The following RBFOX2 variants were observed in gnomAD, a reference collection of about 807,000 sequenced individuals.
RBFOX2 encodes the protein RNA binding protein fox-1 homolog 2.
RBFOX2 carries 10 observed loss-of-function variants against 49.1 expected under a neutral mutation model. That is an observed-to-expected ratio of 0.20 (90% CI 0.13 to 0.35). The LOEUF is 0.35. Ranked by LOEUF, RBFOX2 falls within the 10% of genes least tolerant of loss-of-function variation. RBFOX2 has a pLI of 1.00. For synonymous variants in RBFOX2, 183 were observed against 187.4 expected, an observed-to-expected ratio of 0.98 and a Z score of 0.19; for missense variants, 323 against 486.9, an observed-to-expected ratio of 0.66 and a Z score of 3.17.
At chr22:35,875,919 T>C (rs1335761784) in intron 1 of RBFOX2, among the ~76,000 whole-genome samples, 1 of 152,190 alleles carries the variant, frequency 6.6e-6, no homozygotes, top group African/African-American at 2.4e-5. Flanking sequence ...AAAGCTTTAT[T>C]GTCCAATTCT....
chr22:35,782,408 A>C (rs528216044), intron 2 of RBFOX2, among the ~76,000 whole-genome samples: 1 of 151,958 alleles, frequency 6.6e-6, no homozygotes, highest in Non-Finnish European at 1.5e-5. Context: ...TGCAAGCTCC[A>C]CTTCCCGGGT....
intron 1 of RBFOX2, among the ~76,000 whole-genome samples, chr22:35,928,948 C>T (rs1295535981): frequency 6.6e-6 from 1 of 151,946 alleles, no homozygotes; most frequent in Non-Finnish European, 1.5e-5. Context: ...GGAAAACAGT[C>T]TGTGGTTTCT....
At chr22:35,863,068 G>A (rs2043277826) in intron 1 of RBFOX2, among the ~76,000 whole-genome samples, 1 of 152,110 alleles carries the variant, frequency 6.6e-6, no homozygotes, top group African/African-American at 2.4e-5. Context: ...AGGTAACTGT[G>A]TTAGGAGGAG....
At chr22:35,808,533 G>A (rs1951188979) in intron 2 of RBFOX2, among the ~76,000 whole-genome samples, 2 of 152,124 alleles carry the variant, frequency 1.3e-5, no homozygotes, top group Non-Finnish European at 2.9e-5. Context: ...GCAGACTGTA[G>A]AACATTTCTA....
At chr22:35,861,299 T>C (rs1214283150) in intron 1 of RBFOX2, among the ~76,000 whole-genome samples, 1 of 152,032 alleles carries the variant, frequency 6.6e-6, no homozygotes, top group South Asian at 2.1e-4. Flanking sequence ...AAAAGAACAA[T>C]AAATTGGACT....
rs771071078 is a variant in RBFOX2 at position 35,951,234 on chromosome 22, C to T, written c.42+10329G>A. On this transcript the variant is annotated intron_variant, in intron 1 of 5. Transcript: ENST00000408983. ...CTCCCAAAGTGCTGGGATTACCGCA[C>T]CCGGCCCTTTTTTTTTTTTTTTTTT... Among the ~76,000 whole-genome samples the T allele has an allele frequency of 6.2e-4, 85 of 136,630 alleles. 1 individual carries two copies. Among genetic ancestry groups the T allele is most frequent in the Non-Finnish European group, 8.9e-4 (57 of 64,108 alleles). The allele number at this position is 136,630 out of a possible 152,430, so 89.6% of individuals were successfully genotyped here.
At chr22:35,866,200 C>T (rs1299024318) in intron 1 of RBFOX2, among the ~76,000 whole-genome samples, 2 of 152,076 alleles carry the variant, frequency 1.3e-5, no homozygotes, top group Admixed American at 6.5e-5. Flanking sequence ...GAAAAGACAA[C>T]GTGAAGGTTT....
chr22:35,761,672 G>C (rs1358269095), intron 6 of RBFOX2, among the ~76,000 whole-genome samples: 1 of 152,108 alleles, frequency 6.6e-6, no homozygotes, highest in Non-Finnish European at 1.5e-5. Context: ...GGCTGGGGCT[G>C]GGGGGCTTGG....
At chr22:35,831,554 C>A (rs957377490) in intron 1 of RBFOX2, among the ~76,000 whole-genome samples, 2 of 152,192 alleles carry the variant, frequency 1.3e-5, no homozygotes, top group Non-Finnish European at 2.9e-5. Flanking sequence ...ACAGCTACAA[C>A]CAACGATTCA....
intron 1 of RBFOX2, among the ~76,000 whole-genome samples, chr22:35,947,981 C>G (rs1403933074): frequency 6.6e-6 from 1 of 152,230 alleles, no homozygotes; most frequent in Non-Finnish European, 1.5e-5. Context: ...TCCACTCACA[C>G]TCACTCACTG....
At chr22:35,943,992 T>C (rs1283817255) in intron 1 of RBFOX2, among the ~76,000 whole-genome samples, 1 of 152,262 alleles carries the variant, frequency 6.6e-6, no homozygotes, top group East Asian at 1.9e-4. Context: ...ATCTGACTTT[T>C]ATATTCTTCT....
At chr22:35,979,807 G>C (rs922591107) in intron 1 of RBFOX2, among the ~76,000 whole-genome samples, 1 of 152,198 alleles carries the variant, frequency 6.6e-6, no homozygotes, top group African/African-American at 2.4e-5. Flanking sequence ...AGCTCAGAAA[G>C]GTTAAAACGT....
chr22:35,942,192 T>C (rs1294108018), upstream of RBFOX2, among the ~76,000 whole-genome samples: 1 of 152,218 alleles, frequency 6.6e-6, no homozygotes, highest in East Asian at 1.9e-4. Context: ...GCTCACACCA[T>C]GCTGCCTACG....
In RBFOX2 at chr22:35,749,593, GAAAA is replaced by G. The variant is rs1437810137; in HGVS notation, c.888-3036_888-3033del. ...CAACAAAACATATCACAAAATGTGA[GAAAA>G]AGAAAATTCAGATATATTTATTTCT... is the stretch of plus-strand genomic sequence containing the variant. On this transcript the variant is annotated intron_variant, in intron 9 of 11. Coordinates refer to ENST00000405409, the Ensembl canonical transcript of RBFOX2. The surrounding 1 kb of genome is among the most constrained non-coding windows in gnomAD (Gnocchi z 4.1). Among the ~76,000 whole-genome samples, 1 of 152,044 alleles carries G rather than the reference GAAAA, an allele frequency of 6.6e-6. No homozygotes were observed. The highest frequency in any genetic ancestry group is 2.4e-5 in the African/African-American group (1 of 41,392).
upstream of RBFOX2, among the ~76,000 whole-genome samples, chr22:35,941,079 C>A (rs1797344605): frequency 1.3e-5 from 2 of 152,054 alleles, no homozygotes; most frequent in African/African-American, 4.8e-5. Flanking sequence ...GATTTATGGT[C>A]TGTGAATTAT....
intron 1 of RBFOX2, among the ~76,000 whole-genome samples, chr22:35,881,538 C>T (rs953835605): frequency 6.6e-5 from 10 of 151,356 alleles, no homozygotes; most frequent in Non-Finnish European, 1.0e-4. Context: ...GCTGTGATCG[C>T]ACCACTGCAC....
intron 3 of RBFOX2, among the ~76,000 whole-genome samples, chr22:35,780,490 C>T (rs968853644): frequency 1.3e-5 from 2 of 152,088 alleles, no homozygotes; most frequent in South Asian, 2.1e-4. Flanking sequence ...ACTAACTTCC[C>T]AACAACTCAA....
chr22:35,890,260 T>G (rs1161015463), intron 1 of RBFOX2, among the ~76,000 whole-genome samples: 1 of 152,170 alleles, frequency 6.6e-6, no homozygotes, highest in African/African-American at 2.4e-5. Context: ...TCTAGCCTTG[T>G]ACCATGCTGA....
chr22:36,007,203 C>A (rs2058651682), intron 1 of RBFOX2, among the ~76,000 whole-genome samples: 1 of 152,040 alleles, frequency 6.6e-6, no homozygotes, highest in Non-Finnish European at 1.5e-5. Context: ...ATCTACCCCT[C>A]CATATCAGCA....
Sources: allele counts gnomAD v4.1 joint callset (sites outside exome capture counted in the v4.1 genomes callset), GRCh38; gene constraint gnomAD v4.1.1; non-coding constraint Gnocchi (gnomAD v3.1); transcripts MANE v1.5; gene names NCBI Gene and HGNC (gene_info 2026-07-23, HGNC 2026-07-21).